The following DMD variants were observed in gnomAD, a reference collection of about 807,000 sequenced individuals.
DMD encodes the protein dystrophin, also known as mutant dystrophin.
A neutral mutation model predicts 330.1 loss-of-function variants in DMD; 63 were observed. The ratio of observed to expected loss-of-function variants is 0.19; its 90% CI spans 0.16 to 0.24. The LOEUF is 0.24. Ranked by LOEUF, DMD falls within the 10% of genes least tolerant of loss-of-function variation. DMD has a pLI of 1.00. For missense variants in DMD, 3,344 were observed against 2,684.1 expected, an observed-to-expected ratio of 1.25 and a Z score of -5.43; for synonymous variants, 1,223 against 959.8, an observed-to-expected ratio of 1.27 and a Z score of -5.07.
chrX:32,172,423 A>G (rs1451439251), intron 44 of DMD, among the ~76,000 whole-genome samples: 2 of 112,118 alleles, frequency 1.8e-5, no homozygotes, highest in East Asian at 5.6e-4. Flanking sequence ...TGTAATAAAC[A>G]TTACTCTTTT....
At chrX:31,686,880 A>G (rs1352888606) in intron 52 of DMD, among the ~76,000 whole-genome samples, 1 of 112,249 alleles carries the variant, frequency 8.9e-6, no homozygotes, top group Admixed American at 9.4e-5. Flanking sequence ...TACTCCCAGC[A>G]GTGAAGCTTG....
At chrX:33,142,494 G>A (rs1305939453) in intron 1 of DMD, among the ~76,000 whole-genome samples, 2 of 112,630 alleles carry the variant, frequency 1.8e-5, no homozygotes, top group African/African-American at 3.2e-5. Flanking sequence ...GCACAGCAAT[G>A]GAGATTTTGT....
chrX:31,278,250 T>G (rs1183620250), intron 62 of DMD, among the ~76,000 whole-genome samples: 1 of 111,637 alleles, frequency 9.0e-6, no homozygotes, highest in Non-Finnish European at 1.9e-5. Context: ...AAACTATACA[T>G]GCCCACTGGA....
chrX:32,119,724 T>G (rs1006500410), intron 44 of DMD, among the ~76,000 whole-genome samples: 2 of 112,252 alleles, frequency 1.8e-5, no homozygotes, highest in South Asian at 3.7e-4. Context: ...TGCAAACATA[T>G]AGCTGAGAAG....
At chrX:31,704,186 T>C (rs1187787151) in intron 52 of DMD, among the ~76,000 whole-genome samples, 3 of 112,195 alleles carry the variant, frequency 2.7e-5, no homozygotes, top group Non-Finnish European at 5.6e-5. Flanking sequence ...CTACAAAATA[T>C]GTAAATGAAC....
chrX:32,353,331 C>G (rs780928043), intron 37 of DMD, among the ~76,000 whole-genome samples: 1 of 111,698 alleles, frequency 9.0e-6, no homozygotes, highest in South Asian at 3.6e-4. Context: ...AATTCTTATG[C>G]AACTTTATAA....
At chrX:32,473,743 A>G (rs1289560683) in intron 21 of DMD, among the ~76,000 whole-genome samples, 1 of 111,552 alleles carries the variant, frequency 9.0e-6, no homozygotes, top group East Asian at 2.8e-4. Flanking sequence ...TAATCTGAGC[A>G]CTTCTGATTT....
chrX:32,312,290 C>A (rs963550096), intron 41 of DMD, among the ~76,000 whole-genome samples: 1 of 111,278 alleles, frequency 9.0e-6, no homozygotes, highest in African/African-American at 3.3e-5. Flanking sequence ...ATGTCCTCAT[C>A]ACTTTTTCTT....
intron 19 of DMD, among the ~76,000 whole-genome samples, chrX:32,496,557 TAA>T (rs948461711): frequency 1.8e-5 from 2 of 112,260 alleles, no homozygotes; most frequent in South Asian, 7.3e-4. Flanking sequence ...ATCATAAAAT[TAA>T]AAAAAGTCAG....
At chrX:31,135,751 A>G in intron 76 of DMD, among the ~76,000 whole-genome samples, 1 of 112,806 alleles carries the variant, frequency 8.9e-6, no homozygotes, top group Admixed American at 9.3e-5. Flanking sequence ...ATAATATACA[A>G]TCTTCCAATA....
intron 51 of DMD, among the ~76,000 whole-genome samples, chrX:31,732,061 C>T (rs375112104): frequency 9.0e-6 from 1 of 111,101 alleles, no homozygotes; most frequent in African/African-American, 3.3e-5. Flanking sequence ...TTGGGTGATT[C>T]TCTAATTCTG....
intron 1 of DMD, among the ~76,000 whole-genome samples, chrX:33,152,554 G>T (rs1279020865): frequency 9.1e-6 from 1 of 109,630 alleles, no homozygotes; most frequent in African/African-American, 3.3e-5. Context: ...TTTTCTTCAG[G>T]ATACGTTGCA....
chrX:32,549,046 AT>A lies in DMD; in HGVS notation c.1993-3713del, dbSNP rs751093942. On this transcript the variant is annotated intron_variant, in intron 16 of 78. Transcript: ENST00000357033. Reference sequence around the variant, plus strand: ...AAATGATATCATGAAAAGAAAATACATTTCTTTTTAAAATACTATTCATTTT... The same window carrying A: ...AAATGATATCATGAAAAGAAAATACATTCTTTTTAAAATACTATTCATTTT... Among the ~76,000 whole-genome samples the A allele has an allele frequency of 4.5e-5, 5 of 111,920 alleles. No individual in the cohort carries two copies. The East Asian group carries it at 1.4e-3, about 31-fold the overall frequency.
chrX:32,553,240 A>T (rs2049785154), intron 16 of DMD, among the ~76,000 whole-genome samples: 1 of 111,999 alleles, frequency 8.9e-6, no homozygotes, highest in Non-Finnish European at 1.9e-5. Context: ...GCAGCCATGA[A>T]AAAAGAGATT....
At chrX:32,949,399 C>T (rs182385796) in intron 2 of DMD, among the ~76,000 whole-genome samples, 12 of 105,962 alleles carry the variant, frequency 1.1e-4, no homozygotes, top group Admixed American at 5.2e-4. Context: ...GATAGACAGA[C>T]AGACAGACAG....
At chrX:31,754,545 T>C (rs1349633480) in intron 51 of DMD, among the ~76,000 whole-genome samples, 1 of 111,270 alleles carries the variant, frequency 9.0e-6, no homozygotes, top group Non-Finnish European at 1.9e-5. Context: ...GTTAGAATTT[T>C]CTGCTTGCCA....
chrX:31,393,488 A>C lies in DMD; in HGVS notation c.9085-44854T>G, dbSNP rs200673231. Among the ~76,000 whole-genome samples the C allele has an allele frequency of 2.9e-4, 31 of 105,130 alleles. No homozygotes were observed. The East Asian group carries it at 3.1e-3, about 11-fold the overall frequency. 91.3% of individuals were successfully genotyped at this position (105,130 alleles called of 115,157 possible). On this transcript the variant is annotated intron_variant, in intron 60 of 78. Transcript: ENST00000357033. ...TGAGACTCCATCTCAAAAAAAAAAA[A>C]AAACAAAAAAAAAAAACAAACCCAA...
chrX:32,814,634 T>C (rs1377382154), intron 6 of DMD, among the ~76,000 whole-genome samples: 1 of 111,955 alleles, frequency 8.9e-6, no homozygotes, highest in Non-Finnish European at 1.9e-5. Context: ...GAGTTACTGA[T>C]GATTCATCCA....
intron 63 of DMD, among the ~76,000 whole-genome samples, chrX:31,235,359 A>C (rs752757778): frequency 5.0e-4 from 56 of 112,565 alleles, no homozygotes; most frequent in African/African-American, 1.8e-3. Context: ...AGTAATTTCT[A>C]AGCCCACAAA....
Sources: allele counts gnomAD v4.1 joint callset (sites outside exome capture counted in the v4.1 genomes callset), GRCh38; gene constraint gnomAD v4.1.1; transcripts MANE v1.5; gene names NCBI Gene and HGNC (gene_info 2026-07-23, HGNC 2026-07-21).